GUCY1A2: variants seen among roughly 807,000 people sequenced by gnomAD.
GUCY1A2 encodes the protein guanylate cyclase soluble subunit alpha-2.
In GUCY1A2, 27 loss-of-function variants were observed where a neutral mutation model predicts 63.5. The observed-to-expected ratio is 0.43, with a 90% CI of 0.31 to 0.59. GUCY1A2 has a LOEUF of 0.59. Among genes scored for constraint, GUCY1A2 ranks in the 20% least tolerant of loss-of-function variants. The probability of loss-of-function intolerance (pLI) is 0.11; values close to 1 mark genes in which losing one functional copy is unlikely to be tolerated. For missense variants in GUCY1A2, 768 were observed against 913.3 expected (o/e 0.84, Z 2.05); for synonymous variants, 364 against 343.5 (o/e 1.06, Z -0.66).
chr11:106,806,019 A>G (rs1362082537), intron 5 of GUCY1A2, among the ~76,000 whole-genome samples: 1 of 152,152 alleles, frequency 6.6e-6, no homozygotes, highest in African/African-American at 2.4e-5. Flanking sequence ...GAGGGATTAT[A>G]TGAGATCATA....
chr11:106,900,778 C>A (rs1860121586), intron 4 of GUCY1A2, among the ~76,000 whole-genome samples: 1 of 152,074 alleles, frequency 6.6e-6, no homozygotes, highest in African/African-American at 2.4e-5. Context: ...ATTAAGTGTG[C>A]AATACCATTA....
chr11:106,878,881 T>C (rs765681021), intron 4 of GUCY1A2, among the ~76,000 whole-genome samples: 52 of 152,030 alleles, frequency 3.4e-4, no homozygotes, highest in Non-Finnish European at 2.1e-4. Context: ...TCCTTAATTC[T>C]GGCTTTGTAA....
chr11:106,939,424 T>C, intron 4 of GUCY1A2, 36 bp downstream of exon 4: 4 of 1,015,236 alleles, frequency 3.9e-6, no homozygotes, highest in Non-Finnish European at 4.6e-6. Context: ...TCCACTCTTC[T>C]AGTTCCCATC....
chr11:106,816,580 C>T (rs533694302), intron 4 of GUCY1A2, among the ~76,000 whole-genome samples: 1 of 149,658 alleles, frequency 6.7e-6, no homozygotes, highest in South Asian at 2.1e-4. Flanking sequence ...CCAAAGCAAG[C>T]AGAAGGGAGG....
chr11:106,756,523 C>T (rs993025757), intron 6 of GUCY1A2, among the ~76,000 whole-genome samples: 1 of 152,068 alleles, frequency 6.6e-6, no homozygotes, highest in Non-Finnish European at 1.5e-5. Flanking sequence ...CCTTCAGGAG[C>T]TCTTGTAAGG....
rs139390308 is a variant in GUCY1A2 at position 106,705,807 on chromosome 11, C to T, written c.1991+2705G>A. Among the ~76,000 whole-genome samples the T allele has an allele frequency of 5.0e-3, 765 of 152,082 alleles. 21 individuals are homozygous for T. Among genetic ancestry groups the T allele is most frequent in the Admixed American group, 0.044 (678 of 15,260 alleles). ...CCCGGGAGGCGGAGGTTGCAGTGAG[C>T]GGAGATTGTGCCACTGCACTCCATC... On this transcript the variant is annotated intron_variant, in intron 7 of 7. Coordinates refer to ENST00000526355, the MANE Select transcript of GUCY1A2 (RefSeq NM_000855.3).
chr11:106,715,578 A>G (rs1041851800), intron 6 of GUCY1A2, among the ~76,000 whole-genome samples: 6 of 152,212 alleles, frequency 3.9e-5, no homozygotes, highest in Non-Finnish European at 8.8e-5. Flanking sequence ...GCATATTCCA[A>G]TTGAAACTCA....
intron 4 of GUCY1A2, among the ~76,000 whole-genome samples, chr11:106,865,874 T>C (rs1283867880): frequency 6.6e-6 from 1 of 151,436 alleles, no homozygotes; most frequent in Non-Finnish European, 1.5e-5. Flanking sequence ...AAAACTCATA[T>C]GGCAATTATT....
At chr11:106,825,285 A>C (rs1478962004) in intron 4 of GUCY1A2, among the ~76,000 whole-genome samples, 3 of 152,104 alleles carry the variant, frequency 2.0e-5, no homozygotes, top group African/African-American at 7.2e-5. Context: ...TGACATAACT[A>C]TCTTTTTGAA....
chr11:106,947,652 T>C (rs1320944979), intron 3 of GUCY1A2, among the ~76,000 whole-genome samples: 1 of 152,042 alleles, frequency 6.6e-6, no homozygotes, highest in Non-Finnish European at 1.5e-5. Context: ...ACAGATCACA[T>C]TTTTAATAAT....
intron 3 of GUCY1A2, among the ~76,000 whole-genome samples, chr11:106,959,353 CT>C (rs1421195982): frequency 2.7e-4 from 41 of 152,134 alleles, no homozygotes; most frequent in African/African-American, 9.9e-4. Flanking sequence ...CTTCTCTTTT[CT>C]TTTGTAACAG....
At chr11:106,929,270 A>C (rs1860569819) in intron 4 of GUCY1A2, among the ~76,000 whole-genome samples, 1 of 152,204 alleles carries the variant, frequency 6.6e-6, no homozygotes, top group African/African-American at 2.4e-5. Flanking sequence ...ATTATTCATC[A>C]TAGATCATAG....
intron 4 of GUCY1A2, among the ~76,000 whole-genome samples, chr11:106,854,190 C>T (rs1054038977): frequency 1.3e-5 from 2 of 152,146 alleles, no homozygotes; most frequent in African/African-American, 2.4e-5. Context: ...TGTTTGGGCC[C>T]CTGGACAGTG....
chr11:106,812,941 T>G (rs1431106779), intron 4 of GUCY1A2, among the ~76,000 whole-genome samples: 1 of 151,998 alleles, frequency 6.6e-6, no homozygotes, highest in Admixed American at 6.6e-5. Context: ...ATGGCACCAT[T>G]TGTATCTCTG....
chr11:106,870,354 G>T (rs2135463877), intron 4 of GUCY1A2, among the ~76,000 whole-genome samples: 1 of 152,074 alleles, frequency 6.6e-6, no homozygotes, highest in South Asian at 2.1e-4. Flanking sequence ...AATTGAATTT[G>T]ATTAGTTTTG....
At chr11:106,720,469 A>G (rs11825491) in intron 6 of GUCY1A2, among the ~76,000 whole-genome samples, 22,158 of 152,048 alleles carry the variant, frequency 0.15, 1,732 homozygotes, top group African/African-American at 0.2. Context: ...TTTATTTATT[A>G]TATTATATTG....
chr11:106,873,724 T>C (rs975853766), intron 4 of GUCY1A2, among the ~76,000 whole-genome samples: 1 of 152,202 alleles, frequency 6.6e-6, no homozygotes, highest in African/African-American at 2.4e-5. Context: ...AGGTTGCCCG[T>C]TCACTCTGAT....
At chr11:106,934,743 T>C (rs1860652245) in intron 4 of GUCY1A2, among the ~76,000 whole-genome samples, 1 of 152,226 alleles carries the variant, frequency 6.6e-6, no homozygotes, top group Non-Finnish European at 1.5e-5. Flanking sequence ...AAAGTGAAGA[T>C]GAATAACAAT....
intron 4 of GUCY1A2, among the ~76,000 whole-genome samples, chr11:106,913,106 G>T (rs2119871785): frequency 7.4e-6 from 1 of 135,320 alleles, no homozygotes; most frequent in African/African-American, 2.8e-5. Flanking sequence ...TGCTTATGTT[G>T]TGGAATTTTT....
Sources: gnomAD v4.1 joint callset for allele counts (sites outside exome capture counted in the v4.1 genomes callset) on GRCh38, gnomAD v4.1.1 for gene constraint, MANE v1.5 for transcripts, NCBI Gene and HGNC (gene_info 2026-07-23, HGNC 2026-07-21) for gene names.